The following IARS2 variants were observed in gnomAD, a reference collection of about 807,000 sequenced individuals.
The protein encoded by IARS2 is isoleucine--tRNA ligase, mitochondrial.
IARS2 carries 56 observed loss-of-function variants against 126.3 expected under a neutral mutation model. The ratio of observed to expected loss-of-function variants is 0.44; its 90% CI spans 0.36 to 0.55. The LOEUF (loss-of-function observed/expected upper bound fraction) is 0.55. Ranked by LOEUF, IARS2 falls within the 20% of genes least tolerant of loss-of-function variation. The pLI, the probability that IARS2 is intolerant of heterozygous loss-of-function variation, is 0.00. For missense variants in IARS2, 1,127 were observed against 1,245.9 expected (o/e 0.90, Z 1.44); for synonymous variants, 407 against 441.1 (o/e 0.92, Z 0.97).
chr1:220,118,536 A>G (rs2102827986), intron 12 of IARS2, among the ~76,000 whole-genome samples: 1 of 152,256 alleles, frequency 6.6e-6, no homozygotes, highest in East Asian at 1.9e-4. Flanking sequence ...TTACTAGTCA[A>G]TAAAAACAGA....
Position 220,110,704 on chromosome 1 carries a change from T to G in IARS2, c.1328-82T>G, listed in dbSNP as rs1656781994. On this transcript the variant is annotated intron_variant, in intron 10 of 22. Transcript: ENST00000366922. ...TTGCCACCTGTTGCTGCAGATTTAG[T>G]ATTTTCTGGAAGTTTAGAGCATTTT... is the stretch of plus-strand genomic sequence containing the variant. 19 of 1,077,266 alleles carry G rather than the reference T, an allele frequency of 1.8e-5. No homozygotes were observed. In the South Asian group the frequency reaches 2.7e-4, roughly 16 times the overall value. The allele number at this position is 1,077,266 out of a possible 1,614,324, so 66.7% of individuals were successfully genotyped here.
intron 12 of IARS2, among the ~76,000 whole-genome samples, chr1:220,116,581 A>T (rs1426155929): frequency 6.6e-6 from 1 of 152,082 alleles, no homozygotes; most frequent in East Asian, 1.9e-4. Flanking sequence ...GAGACTGGAA[A>T]GTCATTGGAA....
At position 220,132,846 on chromosome 1, in the gene IARS2, C is replaced by T. The variant is rs1421046808; in HGVS notation, c.1838-1556C>T. Among the ~76,000 whole-genome samples the T allele has an allele frequency of 2.0e-5, 3 of 151,918 alleles. No homozygotes were observed. The East Asian group carries it at 5.8e-4, about 29-fold the overall frequency. ...CAGCCCCATGTCTCCTTTTTCATTT[C>T]TGATTTTGTTTATTTGGATCTTCTT... On this transcript the variant is annotated intron_variant, in intron 14 of 22. Transcript: ENST00000366922.
chr1:220,136,548 C>T (rs1327438220), intron 15 of IARS2, among the ~76,000 whole-genome samples: 1 of 151,162 alleles, frequency 6.6e-6, no homozygotes, highest in African/African-American at 2.4e-5. Context: ...GTAGGAGAAT[C>T]CCTTGAACCT....
intron 13 of IARS2, 152 bp downstream of exon 13, chr1:220,125,491 TTTTG>T (rs1657132858): frequency 1.7e-6 from 1 of 593,448 alleles, no homozygotes; most frequent in Non-Finnish European, 3.0e-6. Flanking sequence ...AAAGTAGACA[TTTTG>T]TTTAACTATA....
Position 220,139,154 on chromosome 1 carries a change from A to G in IARS2, c.2307+15A>G. ...TGGCAAACAAGGTAAATGTAAATTA[A>G]TAAACTTTTGGAAACTAGAAATATC... On this transcript the variant is annotated intron_variant, in intron 18 of 22. Transcript: ENST00000366922. 1 of 1,597,842 alleles carries G rather than the reference A, an allele frequency of 6.3e-7. No individual in the cohort carries two copies. The highest frequency in any genetic ancestry group is 1.7e-4 in the Middle Eastern group (1 of 5,996).
chr1:220,147,378 A>G (rs907403753), intron 22 of IARS2, 115 bp from the exon 23 acceptor site: 1 of 950,566 alleles, frequency 1.1e-6, no homozygotes, highest in Non-Finnish European at 1.6e-6. Context: ...AGTGTCTGAC[A>G]AGCTTTACCA....
At chr1:220,128,466 G>C (rs965045903) in intron 14 of IARS2, among the ~76,000 whole-genome samples, 3 of 152,178 alleles carry the variant, frequency 2.0e-5, no homozygotes, top group African/African-American at 7.2e-5. Context: ...TAGGTGTAGA[G>C]TAGGCTCTCC....
chr1:220,131,062 T>C (rs1199640118), intron 14 of IARS2, among the ~76,000 whole-genome samples: 1 of 152,220 alleles, frequency 6.6e-6, no homozygotes, highest in Non-Finnish European at 1.5e-5. Context: ...GCTTTGACTA[T>C]TTGGGAGGCT....
rs777839264 is a variant in IARS2, at chr1:220,136,879, A to T, written c.2017A>T (p.Ile673Phe). The change falls in exon 16 of 23, where the codon ATT (isoleucine) becomes TTT (phenylalanine). Residue 673 changes from isoleucine (I) to phenylalanine (F), a missense_variant. Physicochemically the swap from Ile to Phe is conservative, Grantham distance 21 (BLOSUM62 0). Transcript: ENST00000366922. ...EKMSKSLGNVIHPDVVVNGGQ... is the reference protein window; with the variant it reads ...EKMSKSLGNVFHPDVVVNGGQ... Reference sequence around the variant, plus strand: ...GATGTCCAAGTCTCTTGGGAATGTCATTCATCCTGATGTTGTCGTTAATGG... The same window carrying T: ...GATGTCCAAGTCTCTTGGGAATGTCTTTCATCCTGATGTTGTCGTTAATGG... The T allele has an allele frequency of 6.2e-7, 1 of 1,610,230 alleles. No homozygotes were observed. The highest frequency in any genetic ancestry group is 8.5e-7 in the Non-Finnish European group (1 of 1,176,904).
In IARS2 at chr1:220,120,653, G is replaced by A. The variant is rs182862079; in HGVS notation, c.1641-4584G>A. Among the ~76,000 whole-genome samples the A allele has an allele frequency of 2.2e-3, 329 of 152,184 alleles. 3 individuals carry two copies. The highest frequency in any genetic ancestry group is 0.021 in the Admixed American group (318 of 15,278). On this transcript the variant is annotated intron_variant, in intron 12 of 22. Transcript: ENST00000366922. ...AGCCTTCCAAAGTGCTAGGATTACA[G>A]GTGTGAGCCACCGTGCCCGCCCAAA...
At chr1:220,105,773 A>G in intron 8 of IARS2, 118 bp from the exon 9 acceptor site, 1 of 778,126 alleles carries the variant, frequency 1.3e-6, no homozygotes, top group South Asian at 1.8e-5. Context: ...GCTGGAATTT[A>G]AGCCTAGCCA....
chr1:220,117,552 T>G (rs184947120), intron 12 of IARS2, among the ~76,000 whole-genome samples: 1 of 152,090 alleles, frequency 6.6e-6, no homozygotes, highest in African/African-American at 2.4e-5. Flanking sequence ...TTCACTGAAG[T>G]GATTGAGGTG....
chr1:220,138,065 A>G lies in IARS2; in HGVS notation c.2175+22A>G, dbSNP rs371611067. The G allele has an allele frequency of 2.3e-5, 37 of 1,609,384 alleles. No individual in the cohort carries two copies. In the African/African-American group the frequency reaches 3.2e-4, roughly 14 times the overall value. ...CAAGGTTAGAACTATTATTCTTCCT[A>G]TTTCTAAAGGACAAGTTTGTCAAAT... is the stretch of plus-strand genomic sequence containing the variant. On this transcript the variant is annotated intron_variant, in intron 17 of 22. Coordinates refer to ENST00000366922, the MANE Select transcript of IARS2 (RefSeq NM_018060.4).
At chr1:220,120,818 CTT>C (rs1657034390) in intron 12 of IARS2, among the ~76,000 whole-genome samples, 1 of 152,070 alleles carries the variant, frequency 6.6e-6, no homozygotes, top group South Asian at 2.1e-4. Flanking sequence ...TTAAAATTAA[CTT>C]TATTGTTTTA....
intron 22 of IARS2, 146 bp downstream of exon 22, chr1:220,145,799 C>T: frequency 2.9e-6 from 2 of 692,474 alleles, no homozygotes. Context: ...AAACAATTGC[C>T]AAGTTTCTAA....
At position 220,094,347 on chromosome 1, in the gene IARS2, C is replaced by A; in HGVS notation, c.131C>A (p.Ser44Ter). 2 of 1,613,086 alleles carry A rather than the reference C, an allele frequency of 1.2e-6. No homozygotes were observed. Among genetic ancestry groups the A allele is most frequent in the South Asian group, 1.1e-5 (1 of 91,068 alleles). ...QGATKRLLVR[S>*]VSGASNHQPN... is the part of the protein sequence containing the mutation. ...GCGACGAAGAGGCTTCTGGTGCGGTCGGTCTCCGGGGCCAGTAACCACCAG... is the reference window on the plus strand; with the variant it reads ...GCGACGAAGAGGCTTCTGGTGCGGTAGGTCTCCGGGGCCAGTAACCACCAG... Residue 44 changes from serine (S) to a stop codon, truncating the protein, a stop_gained, in exon 1 of 23, where the codon TCG becomes TAG. Transcript: ENST00000366922. LOFTEE classifies it high-confidence loss of function.
chr1:220,102,133 A>G lies in IARS2; in HGVS notation c.555A>G (p.Arg185=). The change falls in exon 4 of 23, where the codon AGA becomes AGG. Residue 185 remains arginine (R), a synonymous_variant. Coordinates refer to ENST00000366922, the MANE Select transcript of IARS2 (RefSeq NM_018060.4). ...TTTTTTTCGTCTTTTTTTTAGCTAGATCATTTGCTAAAGCAGCCATTGAGA... is the reference window on the plus strand; with the variant it reads ...TTTTTTTCGTCTTTTTTTTAGCTAGGTCATTTGCTAAAGCAGCCATTGAGA... The part of the protein sequence containing the change: ...LSAMEIRKKA[R]SFAKAAIEKQ... 6.3e-7 allele frequency: 1 copy of G among 1,595,786 alleles called. No homozygotes were observed. The highest frequency in any genetic ancestry group is 8.5e-7 in the Non-Finnish European group (1 of 1,175,822).
Position 220,147,985 on chromosome 1 carries a change from T to C in IARS2, c.*350T>C. ...AATGTTTTATATTTTATAAATCATCTTTTGACTCTGTATTTAAATTCTATG... is the reference window on the plus strand; with the variant it reads ...AATGTTTTATATTTTATAAATCATCCTTTGACTCTGTATTTAAATTCTATG... On this transcript the variant is annotated 3_prime_UTR_variant, in exon 23 of 23. Transcript: ENST00000366922. 2.6e-6 allele frequency: 1 copy of C among 390,376 alleles called. No individual in the cohort carries two copies. The highest frequency in any genetic ancestry group is 4.4e-5 in the Admixed American group (1 of 22,782). 24.2% of individuals were successfully genotyped at this position (390,376 alleles called of 1,614,324 possible).
Sources: gnomAD v4.1 joint callset for allele counts (sites outside exome capture counted in the v4.1 genomes callset) on GRCh38, gnomAD v4.1.1 for gene constraint, MANE v1.5 for transcripts, NCBI Gene and HGNC (gene_info 2026-07-23, HGNC 2026-07-21) for gene names.